Variants in STAU1 observed in about 807,000 individuals in gnomAD.
STAU1 encodes staufen double-stranded RNA binding protein 1, also known as double-stranded RNA-binding protein Staufen homolog 1.
Under a neutral mutation model 62.9 loss-of-function variants are expected in STAU1, and 13 were observed. That is an observed-to-expected ratio of 0.21 (90% confidence interval 0.13 to 0.33). The LOEUF is 0.33. STAU1 is among the 10% of genes least tolerant of loss of function. The pLI is 1.00. For synonymous variants in STAU1, 269 were observed against 265.1 expected (o/e 1.01, Z -0.14); for missense variants, 571 against 712.1 (o/e 0.80, Z 2.25).
intron 5 of STAU1, among the ~76,000 whole-genome samples, chr20:49,150,038 T>C: frequency 6.6e-6 from 1 of 152,234 alleles, no homozygotes; most frequent in South Asian, 2.1e-4. Flanking sequence ...TTAAACAGAA[T>C]TATGAAATCT....
chr20:49,212,130 C>T, the STAU1 span, among the ~76,000 whole-genome samples: 3 of 152,186 alleles, frequency 2.0e-5, no homozygotes, highest in Non-Finnish European at 2.9e-5. Flanking sequence ...GCTGGGACTA[C>T]AGGTACATAC....
chr20:49,133,815 C>T (rs2092807949), intron 6 of STAU1, among the ~76,000 whole-genome samples: 1 of 152,132 alleles, frequency 6.6e-6, no homozygotes, highest in African/African-American at 2.4e-5. Context: ...CCCAGGTGGG[C>T]CACAGTAGGG....
intron 3 of STAU1, among the ~76,000 whole-genome samples, chr20:49,165,288 C>A (rs2093508227): frequency 6.6e-6 from 1 of 151,208 alleles, no homozygotes; most frequent in African/African-American, 2.4e-5. Flanking sequence ...CGTGATCTGC[C>A]CGCCTTGGCC....
At chr20:49,195,937 A>C in the STAU1 span, among the ~76,000 whole-genome samples, 1 of 145,778 alleles carries the variant, frequency 6.9e-6, no homozygotes, top group Non-Finnish European at 1.5e-5. Context: ...AAAAAAAAAA[A>C]CAAAGAAACA....
intron 3 of STAU1, among the ~76,000 whole-genome samples, chr20:49,165,034 TTTTA>T (rs994731054): frequency 3.9e-5 from 6 of 152,166 alleles, no homozygotes; most frequent in Non-Finnish European, 2.9e-5. Context: ...GTTGTGGGAA[TTTTA>T]TTTATTTATT....
In STAU1 at chr20:49,118,345, C is replaced by T; in HGVS notation, c.1177G>A (p.Glu393Lys). 1 of 1,613,788 alleles carries T rather than the reference C, an allele frequency of 6.2e-7. No homozygotes were observed. The highest frequency in any genetic ancestry group is 8.5e-7 in the Non-Finnish European group (1 of 1,179,796). ...VTFFEPGSGD[E>K]NGTSNKEDEF... Reference sequence around the variant, plus strand: ...AGATCACACTTACTAGTCCCATTTTCATCCCCAGAGCCAGGTTCAAAAAAG... The same window carrying T: ...AGATCACACTTACTAGTCCCATTTTTATCCCCAGAGCCAGGTTCAAAAAAG... The change falls in exon 10 of 14, where the codon GAA (glutamate) becomes AAA (lysine). Residue 393 changes from glutamate to lysine, a missense_variant. Glu to Lys is a moderately conservative substitution (Grantham distance 56, BLOSUM62 1). Coordinates refer to ENST00000371856, the MANE Select transcript of STAU1 (RefSeq NM_017453.4).
intron 6 of STAU1, chr20:49,134,994 G>A: frequency 3.7e-6 from 6 of 1,602,520 alleles, no homozygotes; most frequent in Non-Finnish European, 5.1e-6. Flanking sequence ...ATGAACAAGA[G>A]TCTTTCAGGA....
chr20:49,134,557 T>C, intron 6 of STAU1: 1 of 1,291,138 alleles, frequency 7.7e-7, no homozygotes, highest in Non-Finnish European at 1.1e-6. Context: ...CTATCAGAAG[T>C]CAATTCAAAG....
intron 6 of STAU1, among the ~76,000 whole-genome samples, chr20:49,128,773 CAAAA>C (rs34891670): frequency 2.9e-5 from 3 of 102,636 alleles, no homozygotes; most frequent in African/African-American, 1.1e-4. Flanking sequence ...CATCCAAATC[CAAAA>C]AAAAAAAAAA....
chr20:49,159,328 C>A (rs961526344), intron 3 of STAU1, among the ~76,000 whole-genome samples: 1 of 152,088 alleles, frequency 6.6e-6, no homozygotes. Flanking sequence ...ATCTAAATCA[C>A]CCAAGAGAGA....
chr20:49,152,069 C>T (rs2093261152), intron 4 of STAU1, among the ~76,000 whole-genome samples: 1 of 152,176 alleles, frequency 6.6e-6, no homozygotes, highest in African/African-American at 2.4e-5. Context: ...AAAAACTTGG[C>T]TTGCTCTGCC....
chr20:49,187,318 G>C (rs891989594), intron 1 of STAU1, among the ~76,000 whole-genome samples: 1 of 152,158 alleles, frequency 6.6e-6, no homozygotes, highest in African/African-American at 2.4e-5. Context: ...ATCGTTTACA[G>C]ACTGTCAACT....
In STAU1 at chr20:49,187,770, G is replaced by A. The variant is rs575210824; in HGVS notation, c.-160+346C>T. Among the ~76,000 whole-genome samples the A allele has an allele frequency of 1.3e-4, 6 of 45,154 alleles. No homozygotes were observed. In the South Asian group the frequency reaches 3.2e-3, roughly 24 times the overall value. The allele number at this position is 45,154 out of a possible 152,430, so 29.6% of individuals were successfully genotyped here. ...CTCCAGCCCTCGGGGACCTGAAGCA[G>A]GGACCCCCCCCCCCCCCCGCCTGCG... On this transcript the variant is annotated intron_variant, in intron 1 of 13. Transcript: ENST00000371856.
chr20:49,123,722 A>C (rs1414712038), intron 7 of STAU1, among the ~76,000 whole-genome samples: 1 of 152,098 alleles, frequency 6.6e-6, no homozygotes, highest in Non-Finnish European at 1.5e-5. Context: ...AGGAACCCTC[A>C]CTCTGCTGAT....
At chr20:49,135,451 T>C (rs1468293217) in intron 6 of STAU1, among the ~76,000 whole-genome samples, 1 of 152,218 alleles carries the variant, frequency 6.6e-6, no homozygotes, top group South Asian at 2.1e-4. Context: ...TGAGTCCTTT[T>C]CAAAATTACT....
At chr20:49,153,710 CAAAAAAAAAAAAAAAAAA>C (rs145558067) in intron 4 of STAU1, among the ~76,000 whole-genome samples, 23 of 67,594 alleles carry the variant, frequency 3.4e-4, no homozygotes, top group East Asian at 1.4e-3. Context: ...GACTCTGTCT[CAAAAAAAAAAAAAAAAAA>C]AAAAAAAAAA....
rs1189915285 is a variant in STAU1 at position 49,151,762 on chromosome 20, A to C, written c.345-15T>G. ...GGTAAAAGTACCTAGAAATAAAAGGAGGTTAGGCAAATTACAGTCTCAAGT... is the reference window on the plus strand; with the variant it reads ...GGTAAAAGTACCTAGAAATAAAAGGCGGTTAGGCAAATTACAGTCTCAAGT... On this transcript the variant is annotated splice_polypyrimidine_tract_variant and intron_variant, in intron 4 of 13. Coordinates refer to ENST00000371856, the MANE Select transcript of STAU1 (RefSeq NM_017453.4). 1 of 1,601,076 alleles carries C rather than the reference A, an allele frequency of 6.2e-7. No individual in the cohort carries two copies. Among genetic ancestry groups the C allele is most frequent in the African/African-American group, 1.4e-5 (1 of 73,960 alleles).
At chr20:49,193,775 T>C in the STAU1 span, among the ~76,000 whole-genome samples, 2 of 151,968 alleles carry the variant, frequency 1.3e-5, no homozygotes, top group Middle Eastern at 3.4e-3. Flanking sequence ...AAGACCATCC[T>C]GGCGAACACA....
intron 5 of STAU1, among the ~76,000 whole-genome samples, chr20:49,150,909 C>G (rs1175234164): frequency 6.6e-6 from 1 of 152,052 alleles, no homozygotes; most frequent in Non-Finnish European, 1.5e-5. Flanking sequence ...GGTCCTGGGG[C>G]CAGAACCCCC....
Sources: gnomAD v4.1 joint callset for allele counts (sites outside exome capture counted in the v4.1 genomes callset) on GRCh38, gnomAD v4.1.1 for gene constraint, MANE v1.5 for transcripts, NCBI Gene and HGNC (gene_info 2026-07-23, HGNC 2026-07-21) for gene names.